SORCS3: variants seen among roughly 807,000 people sequenced by gnomAD.
The protein encoded by SORCS3 is sortilin related VPS10 domain containing receptor 3, also known as VPS10 domain-containing receptor SorCS3.
In SORCS3, 57 loss-of-function variants were observed where a neutral mutation model predicts 146.3. The observed-to-expected ratio is 0.39, with a 90% CI of 0.31 to 0.49. SORCS3 has a LOEUF of 0.49. Among genes scored for constraint, SORCS3 ranks in the 20% least tolerant of loss-of-function variants. SORCS3 has a pLI of 0.92. For synonymous variants in SORCS3, 653 were observed against 618.5 expected (o/e 1.06, Z -0.83); for missense variants, 1,341 against 1,575.5 (o/e 0.85, Z 2.52).
At chr10:104,982,802 G>A (rs149767635) in intron 4 of SORCS3, among the ~76,000 whole-genome samples, 10 of 152,174 alleles carry the variant, frequency 6.6e-5, no homozygotes, top group African/African-American at 2.4e-4. Context: ...ATATTTGAAT[G>A]TTACCACTGA....
At chr10:104,740,806 G>A (rs1360851178) in intron 1 of SORCS3, among the ~76,000 whole-genome samples, 1 of 152,264 alleles carries the variant, frequency 6.6e-6, no homozygotes, top group East Asian at 1.9e-4. Context: ...AGATTCTGGG[G>A]ATTTGAGGGC....
rs71022753 is a variant in SORCS3 at position 105,129,331 on chromosome 10, C to CT, written c.1213-10040dup. ...CTTTCTCTTTTCTTTCTTTCTTTCT[C>CT]TTTTTTTTTTTTTTTTTTTTTTTTT... On this transcript the variant is annotated intron_variant, in intron 7 of 26. Coordinates refer to ENST00000369701, the MANE Select transcript of SORCS3 (RefSeq NM_014978.3). Among the ~76,000 whole-genome samples the CT allele has an allele frequency of 4.8e-3, 498 of 104,590 alleles. 5 individuals carry two copies. The highest frequency in any genetic ancestry group is 5.8e-3 in the Non-Finnish European group (315 of 54,386). 68.6% of individuals were successfully genotyped at this position (104,590 alleles called of 152,430 possible).
At chr10:105,014,223 T>C (rs1225165681) in intron 4 of SORCS3, among the ~76,000 whole-genome samples, 1 of 151,500 alleles carries the variant, frequency 6.6e-6, no homozygotes, top group Non-Finnish European at 1.5e-5. Context: ...TGGGTATTCA[T>C]AGGAAAGAAA....
intron 1 of SORCS3, among the ~76,000 whole-genome samples, chr10:104,819,189 C>T (rs1039144902): frequency 6.6e-6 from 1 of 152,076 alleles, no homozygotes; most frequent in African/African-American, 2.4e-5. Context: ...ACAAGATTCA[C>T]CTGGATAGCC....
At chr10:104,686,926 T>C (rs370123553) in intron 1 of SORCS3, among the ~76,000 whole-genome samples, 3 of 125,014 alleles carry the variant, frequency 2.4e-5, no homozygotes, top group African/African-American at 7.6e-5. Context: ...TCAATCCATC[T>C]ATCCATCCAT....
chr10:104,764,674 C>T (rs772249626), intron 1 of SORCS3, among the ~76,000 whole-genome samples: 3 of 152,184 alleles, frequency 2.0e-5, no homozygotes, highest in Non-Finnish European at 4.4e-5. Context: ...TGGTTAATTG[C>T]ACTACATTGC....
At chr10:104,897,784 G>A (rs894777664) in intron 2 of SORCS3, among the ~76,000 whole-genome samples, 2 of 152,180 alleles carry the variant, frequency 1.3e-5, no homozygotes, top group African/African-American at 4.8e-5. Context: ...CCTGGGAATG[G>A]AATGCTTTGA....
chr10:104,820,460 T>C (rs1433367093), intron 1 of SORCS3, among the ~76,000 whole-genome samples: 1 of 152,194 alleles, frequency 6.6e-6, no homozygotes, highest in Non-Finnish European at 1.5e-5. Context: ...TTTATTTATT[T>C]ATGGGTTTAC....
intron 1 of SORCS3, among the ~76,000 whole-genome samples, chr10:104,777,606 G>C (rs1030042959): frequency 5.3e-5 from 8 of 152,226 alleles, no homozygotes; most frequent in Non-Finnish European, 1.0e-4. Flanking sequence ...GGGGGAGAGT[G>C]CTACTGGCAT....
In SORCS3 at chr10:104,642,934, G is replaced by A. The variant is rs539185071; in HGVS notation, c.627+980G>A. Reference sequence around the variant, plus strand: ...TCGCGCCTGCCTGGCAGCTGCAGCGGCCCGCAGCGCGTGCCCGGAGGGGCT... The same window carrying A: ...TCGCGCCTGCCTGGCAGCTGCAGCGACCCGCAGCGCGTGCCCGGAGGGGCT... On this transcript the variant is annotated intron_variant, in intron 1 of 26. Coordinates refer to ENST00000369701, the MANE Select transcript of SORCS3 (RefSeq NM_014978.3). 4.7e-4 allele frequency among the ~76,000 whole-genome samples: 72 copies of A among 152,178 alleles called. 1 individual carries two copies. Among genetic ancestry groups the A allele is most frequent in the Non-Finnish European group, 1.3e-4 (9 of 68,032 alleles).
In SORCS3 at chr10:104,764,306, G is replaced by C. The variant is rs143442306; in HGVS notation, c.628-78486G>C. On this transcript the variant is annotated intron_variant, in intron 1 of 26. Coordinates refer to ENST00000369701, the MANE Select transcript of SORCS3 (RefSeq NM_014978.3). ...GTTGAACTGTAGATTCTGATGAAGC[G>C]GTCTGAGGTGGGGCTTCAGATTATG... is the stretch of plus-strand genomic sequence containing the variant. 2.1e-3 allele frequency among the ~76,000 whole-genome samples: 319 copies of C among 152,194 alleles called. 1 individual carries two copies. The highest frequency in any genetic ancestry group is 7.4e-3 in the African/African-American group (306 of 41,532).
chr10:104,998,977 G>T (rs1374354339), intron 4 of SORCS3, among the ~76,000 whole-genome samples: 1 of 152,256 alleles, frequency 6.6e-6, no homozygotes, highest in South Asian at 2.1e-4. Flanking sequence ...CACAAAGGGG[G>T]AAGTTATGAT....
chr10:104,914,883 C>A (rs559495313), intron 2 of SORCS3, among the ~76,000 whole-genome samples: 1 of 152,066 alleles, frequency 6.6e-6, no homozygotes, highest in Non-Finnish European at 1.5e-5. Flanking sequence ...GCATTGACCT[C>A]TGTGCTCTTC....
chr10:105,169,844 T>C (rs1429922621), intron 13 of SORCS3, among the ~76,000 whole-genome samples: 1 of 152,118 alleles, frequency 6.6e-6, no homozygotes, highest in African/African-American at 2.4e-5. Flanking sequence ...GCTCCCATCA[T>C]GTTAAAAACT....
chr10:104,877,043 G>T (rs1589533048), intron 2 of SORCS3, among the ~76,000 whole-genome samples: 3 of 152,020 alleles, frequency 2.0e-5, no homozygotes. Flanking sequence ...TGGAGACAAG[G>T]TCTCCCTATA....
intron 4 of SORCS3, among the ~76,000 whole-genome samples, chr10:104,985,690 G>A (rs777763503): frequency 4.6e-5 from 7 of 152,014 alleles, no homozygotes; most frequent in Non-Finnish European, 7.4e-5. Flanking sequence ...TTTGATCCAC[G>A]GTCTGCACAG....
intron 3 of SORCS3, among the ~76,000 whole-genome samples, chr10:104,965,353 A>G (rs2054820655): frequency 6.6e-6 from 1 of 152,188 alleles, no homozygotes; most frequent in Non-Finnish European, 1.5e-5. Context: ...GCTACATTCA[A>G]TGGTCAGTTC....
chr10:104,989,219 T>C (rs2054980078), intron 4 of SORCS3, among the ~76,000 whole-genome samples: 1 of 152,240 alleles, frequency 6.6e-6, no homozygotes, highest in Non-Finnish European at 1.5e-5. Flanking sequence ...TTTTATAAAA[T>C]CAAATGTCAC....
chr10:105,247,201 C>T lies in SORCS3; in HGVS notation c.2993-18C>T. 1 of 1,448,074 alleles carries T rather than the reference C, an allele frequency of 6.9e-7. No homozygotes were observed. Among genetic ancestry groups the T allele is most frequent in the South Asian group, 1.2e-5 (1 of 85,830 alleles). 89.7% of individuals were successfully genotyped at this position (1,448,074 alleles called of 1,614,324 possible). A position where few individuals can be genotyped will look rare whatever the true frequency, so the allele number is the denominator to read the frequency against. Reference sequence around the variant, plus strand: ...TCTCACTCTCCCAGCCTCACTTAAACATTCTCTCTCCCTGCAGAATATTTC... The same window carrying T: ...TCTCACTCTCCCAGCCTCACTTAAATATTCTCTCTCCCTGCAGAATATTTC... On this transcript the variant is annotated intron_variant, in intron 21 of 26. Transcript: ENST00000369701.
Sources: gnomAD v4.1 joint callset for allele counts (sites outside exome capture counted in the v4.1 genomes callset) on GRCh38, gnomAD v4.1.1 for gene constraint, MANE v1.5 for transcripts, NCBI Gene and HGNC (gene_info 2026-07-23, HGNC 2026-07-21) for gene names.